The following GLT8D2 variants were observed in gnomAD, a reference collection of about 807,000 sequenced individuals.
GLT8D2 encodes the protein glycosyltransferase 8 domain containing 2, also known as glycosyltransferase 8 domain-containing protein 2.
Under a neutral mutation model 44.5 loss-of-function variants are expected in GLT8D2, and 45 were observed. The ratio of observed to expected loss-of-function variants is 1.01; its 90% CI spans 0.80 to 1.30. The LOEUF (loss-of-function observed/expected upper bound fraction) is 1.30. Among genes scored for constraint, GLT8D2 ranks in the 50% most tolerant of loss-of-function variants. GLT8D2 has a pLI of 0.00. For missense variants in GLT8D2, 400 were observed against 430.4 expected, an observed-to-expected ratio of 0.93 and a Z score of 0.62; for synonymous variants, 156 against 157.2, an observed-to-expected ratio of 0.99 and a Z score of 0.06.
intron 1 of GLT8D2, among the ~76,000 whole-genome samples, chr12:104,025,916 T>G (rs1464375888): frequency 6.6e-6 from 1 of 152,134 alleles, no homozygotes; most frequent in Non-Finnish European, 1.5e-5. Context: ...TCCTATACTT[T>G]CTACAGGAAG....
rs115308086 is a variant in GLT8D2 at position 104,011,624 on chromosome 12, C to T, written c.112+3389G>A. Among the ~76,000 whole-genome samples the T allele has an allele frequency of 4.8e-3, 732 of 152,204 alleles. 4 individuals carry two copies. Among genetic ancestry groups the T allele is most frequent in the African/African-American group, 0.017 (709 of 41,536 alleles). On this transcript the variant is annotated intron_variant, in intron 4 of 10. Transcript: ENST00000360814. Reference sequence around the variant, plus strand: ...AGAATACCGCCATGTTTTACTTGAACGTAGGACTTCACAGGGCCTCTGGAC... The same window carrying T: ...AGAATACCGCCATGTTTTACTTGAATGTAGGACTTCACAGGGCCTCTGGAC...
chr12:104,028,561 C>T (rs1878849587), intron 1 of GLT8D2, among the ~76,000 whole-genome samples: 2 of 152,102 alleles, frequency 1.3e-5, no homozygotes, highest in African/African-American at 4.8e-5. Flanking sequence ...CCTAGCTGCA[C>T]AATGTATAAG....
At chr12:104,053,356 GCA>G (rs1185030354), upstream of GLT8D2, among the ~76,000 whole-genome samples, 1 of 152,178 alleles carries the variant, frequency 6.6e-6, no homozygotes, top group Non-Finnish European at 1.5e-5. Context: ...CACACTGTAT[GCA>G]CAGATTTTCC....
intron 1 of GLT8D2, among the ~76,000 whole-genome samples, chr12:104,062,715 T>C (rs1018950754): frequency 2.6e-5 from 4 of 152,022 alleles, no homozygotes; most frequent in African/African-American, 9.7e-5. Flanking sequence ...GATCAGTGGA[T>C]CCTTCTGTCT....
At chr12:104,030,811 C>A (rs1879152589) in intron 1 of GLT8D2, 1 of 1,603,686 alleles carries the variant, frequency 6.2e-7, no homozygotes, top group South Asian at 1.1e-5. Flanking sequence ...TGATCCGGCA[C>A]GGCGAGAGCG....
At chr12:104,018,240 G>A (rs1003852449) in intron 3 of GLT8D2, among the ~76,000 whole-genome samples, 3 of 152,052 alleles carry the variant, frequency 2.0e-5, no homozygotes, top group African/African-American at 7.2e-5. Flanking sequence ...CCAAAGTGCT[G>A]GGAATACAGG....
chr12:104,058,406 T>C (rs934215309), intron 1 of GLT8D2, among the ~76,000 whole-genome samples: 5 of 152,208 alleles, frequency 3.3e-5, no homozygotes, highest in African/African-American at 1.2e-4. Flanking sequence ...ATCCTCATAT[T>C]TGAGTTCTCG....
chr12:104,024,843 G>T (rs1421114683), intron 1 of GLT8D2, among the ~76,000 whole-genome samples: 2 of 152,100 alleles, frequency 1.3e-5, no homozygotes, highest in Non-Finnish European at 2.9e-5. Context: ...GGTTGAGGCT[G>T]GCAGATCACT....
intron 3 of GLT8D2, among the ~76,000 whole-genome samples, chr12:104,015,357 TG>T (rs1426658216): frequency 6.7e-6 from 1 of 149,934 alleles, no homozygotes; most frequent in Non-Finnish European, 1.5e-5. Context: ...GAGACCAGCC[TG>T]GGCAACAGAG....
Position 104,019,659 on chromosome 12 carries a change from G to A in GLT8D2, c.-11C>T, listed in dbSNP as rs369728667. 65 of 1,608,118 alleles carry A rather than the reference G, an allele frequency of 4.0e-5. No homozygotes were observed. The highest frequency in any genetic ancestry group is 2.2e-4 in the South Asian group (20 of 90,378). ...TCGTAACAGAGCCATGTGTATTCACGCGGATAAGAACTGTAACCTGTGGAT... is the reference window on the plus strand; with the variant it reads ...TCGTAACAGAGCCATGTGTATTCACACGGATAAGAACTGTAACCTGTGGAT... On this transcript the variant is annotated 5_prime_UTR_variant, in exon 3 of 11. Transcript: ENST00000360814.
upstream of GLT8D2, among the ~76,000 whole-genome samples, chr12:104,050,950 G>A (rs1043388864): frequency 1.9e-4 from 28 of 148,798 alleles, no homozygotes; most frequent in African/African-American, 7.0e-4. Context: ...GAGTAGCTGG[G>A]ATTACAGGCG....
At chr12:104,023,121 G>A (rs1008607342) in intron 1 of GLT8D2, among the ~76,000 whole-genome samples, 2 of 152,058 alleles carry the variant, frequency 1.3e-5, no homozygotes, top group Non-Finnish European at 2.9e-5. Context: ...CTTTCTTGAT[G>A]TTCTTAAAAA....
At chr12:104,027,787 T>G (rs1442241953) in intron 1 of GLT8D2, among the ~76,000 whole-genome samples, 1 of 152,210 alleles carries the variant, frequency 6.6e-6, no homozygotes, top group Non-Finnish European at 1.5e-5. Context: ...TCATAAATCT[T>G]GTAAATGATG....
intron 10 of GLT8D2, among the ~76,000 whole-genome samples, chr12:103,992,792 G>A (rs947334429): frequency 6.6e-6 from 1 of 152,020 alleles, no homozygotes; most frequent in East Asian, 1.9e-4. Context: ...ACGCCCGGCC[G>A]AAAGTTCTCT....
Position 103,997,491 on chromosome 12 carries a change from G to GAC in GLT8D2, c.446_447insGT (p.His149GlnfsTer12), listed in dbSNP as rs1873598737. ...CATCGTCCAAATAGATGACTTTCTC[G>GAC]TGTTGGTGGATAAGTAGAGGGAGAT... is the stretch of plus-strand genomic sequence containing the variant. On this transcript the variant is annotated frameshift_variant, in exon 7 of 11. Transcript: ENST00000360814. LOFTEE classifies it high-confidence loss of function. The GAC allele has an allele frequency of 6.2e-7, 1 of 1,613,654 alleles. No homozygotes were observed. The highest frequency in any genetic ancestry group is 8.5e-7 in the Non-Finnish European group (1 of 1,179,734).
intron 1 of GLT8D2, among the ~76,000 whole-genome samples, chr12:104,037,550 A>T (rs1166497889): frequency 3.9e-5 from 6 of 152,200 alleles, no homozygotes; most frequent in African/African-American, 1.4e-4. Flanking sequence ...TATAGAAGAA[A>T]TGGATAAATT....
At chr12:104,054,430 G>C (rs1882002092), upstream of GLT8D2, among the ~76,000 whole-genome samples, 2 of 151,872 alleles carry the variant, frequency 1.3e-5, no homozygotes, top group South Asian at 4.2e-4. Flanking sequence ...TACTTAAGTT[G>C]ATTCCATATC....
chr12:104,047,290 C>G (rs1416951592), intron 1 of GLT8D2, among the ~76,000 whole-genome samples: 1 of 149,502 alleles, frequency 6.7e-6, no homozygotes, highest in African/African-American at 2.4e-5. Flanking sequence ...AAGGGGTGAA[C>G]CAGCTCTCTT....
At chr12:104,018,893 C>T (rs1877248496) in intron 3 of GLT8D2, among the ~76,000 whole-genome samples, 1 of 152,140 alleles carries the variant, frequency 6.6e-6, no homozygotes, top group Non-Finnish European at 1.5e-5. Flanking sequence ...CTATGTTTCT[C>T]CTCAAATTCA....
Sources: allele counts gnomAD v4.1 joint callset (sites outside exome capture counted in the v4.1 genomes callset), GRCh38; gene constraint gnomAD v4.1.1; transcripts MANE v1.5; gene names NCBI Gene and HGNC (gene_info 2026-07-23, HGNC 2026-07-21).